KLHL4: variants seen among roughly 807,000 people sequenced by gnomAD.
The protein encoded by KLHL4 is kelch-like protein 4.
Under a neutral mutation model 45.8 loss-of-function variants are expected in KLHL4, and 17 were observed. The observed-to-expected ratio is 0.37, with a 90% CI of 0.25 to 0.56. KLHL4 has a LOEUF of 0.56. Ranked by LOEUF, KLHL4 falls within the 20% of genes least tolerant of loss-of-function variation. KLHL4 has a pLI of 0.79. For missense variants in KLHL4, 544 were observed against 544.9 expected (o/e 1.00, Z 0.02); for synonymous variants, 224 against 189.9 (o/e 1.18, Z -1.47).
chrX:87,535,478 A>G (rs1163822960), intron 1 of KLHL4, among the ~76,000 whole-genome samples: 1 of 112,148 alleles, frequency 8.9e-6, no homozygotes, highest in Non-Finnish European at 1.9e-5. Context: ...AAACCTTAGT[A>G]TCCTAAAAAT....
chrX:87,605,151 T>C lies in KLHL4; in HGVS notation c.423-8726T>C, dbSNP rs370584284. Among the ~76,000 whole-genome samples the C allele has an allele frequency of 6.3e-5, 7 of 111,896 alleles. No homozygotes were observed. In the East Asian group the frequency reaches 8.4e-4, roughly 13 times the overall value. On this transcript the variant is annotated intron_variant, in intron 1 of 10. Coordinates refer to ENST00000373119, the MANE Select transcript of KLHL4 (RefSeq NM_019117.5). ...CTGTTTTAATACCAATATCATACTTTGTTGATTACTATAGTCTTGTAATAT... is the reference window on the plus strand; with the variant it reads ...CTGTTTTAATACCAATATCATACTTCGTTGATTACTATAGTCTTGTAATAT...
At chrX:87,563,341 C>T (rs1056614103) in intron 1 of KLHL4, among the ~76,000 whole-genome samples, 1 of 109,530 alleles carries the variant, frequency 9.1e-6, no homozygotes, top group African/African-American at 3.3e-5. Context: ...GATGTGTGAC[C>T]TTTCGGAGAG....
Position 87,635,665 on chromosome X carries a change from A to G in KLHL4, c.1815A>G (p.Lys605=). ...GGAGTTTGTGTGCTCCAATGTCCAA[A>G]AGACGTGGAGGTGTGGGAGTTGCCA... ...NKWSLCAPMS[K]RRGGVGVATY... is the part of the protein sequence containing the mutation. The change falls in exon 9 of 11, where the codon AAA becomes AAG. Residue 605 remains lysine, a synonymous_variant. Transcript: ENST00000373119. 1.7e-6 allele frequency: 2 copies of G among 1,209,952 alleles called. No homozygotes were observed. Among genetic ancestry groups the G allele is most frequent in the Non-Finnish European group, 2.2e-6 (2 of 893,672 alleles).
At chrX:87,603,623 C>T (rs1051424337) in intron 1 of KLHL4, among the ~76,000 whole-genome samples, 2 of 110,613 alleles carry the variant, frequency 1.8e-5, no homozygotes, top group Non-Finnish European at 3.8e-5. Context: ...TGTTTAAATA[C>T]ATATATGTTA....
intron 6 of KLHL4, among the ~76,000 whole-genome samples, chrX:87,629,194 G>A (rs1368651747): frequency 1.8e-5 from 2 of 111,452 alleles, no homozygotes; most frequent in Non-Finnish European, 3.8e-5. Context: ...CGAAGATTGG[G>A]TAAGAGCTTA....
chrX:87,605,924 T>A (rs781534317), intron 1 of KLHL4, among the ~76,000 whole-genome samples: 1 of 110,410 alleles, frequency 9.1e-6, no homozygotes, highest in African/African-American at 3.3e-5. Context: ...TTGTTGAGAG[T>A]TTTTTTTTAA....
intron 3 of KLHL4, among the ~76,000 whole-genome samples, chrX:87,616,813 C>A (rs776789309): frequency 1.8e-5 from 2 of 111,456 alleles, no homozygotes; most frequent in Non-Finnish European, 3.8e-5. Context: ...GCTCTCCCTT[C>A]AAAATCAAAA....
chrX:87,591,318 C>T (rs748629611), intron 1 of KLHL4, among the ~76,000 whole-genome samples: 37 of 111,583 alleles, frequency 3.3e-4, no homozygotes, highest in Non-Finnish European at 6.4e-4. Flanking sequence ...GATTATTAGC[C>T]AATTTTTAAA....
intron 1 of KLHL4, among the ~76,000 whole-genome samples, chrX:87,598,762 G>T (rs916428743): frequency 6.3e-5 from 7 of 110,956 alleles, no homozygotes; most frequent in Non-Finnish European, 1.3e-4. Context: ...AATTTTCCCT[G>T]TTATAAGGAT....
chrX:87,543,567 G>A (rs1403569837), intron 1 of KLHL4, among the ~76,000 whole-genome samples: 3 of 110,824 alleles, frequency 2.7e-5, no homozygotes, highest in South Asian at 3.9e-4. Flanking sequence ...GGAGAACACG[G>A]CAATTATAAG....
At chrX:87,607,829 A>G (rs980367275) in intron 1 of KLHL4, among the ~76,000 whole-genome samples, 2 of 111,504 alleles carry the variant, frequency 1.8e-5, no homozygotes, top group Non-Finnish European at 3.8e-5. Flanking sequence ...CCCTTTCCTA[A>G]TAACATGCAT....
At chrX:87,589,768 G>A (rs941025868) in intron 1 of KLHL4, among the ~76,000 whole-genome samples, 5 of 111,012 alleles carry the variant, frequency 4.5e-5, no homozygotes, top group Non-Finnish European at 9.4e-5. Context: ...GGTGGCTCAC[G>A]CCTGTAATCC....
chrX:87,625,861 GGGTGATATTAAA>G, intron 6 of KLHL4, 65 bp downstream of exon 6: 1 of 891,710 alleles, frequency 1.1e-6, no homozygotes, highest in East Asian at 3.3e-5. Flanking sequence ...CAAATTATAA[GGGTGATATTAAA>G]GCCATGTTAA....
chrX:87,556,845 T>A (rs896247041), intron 1 of KLHL4, among the ~76,000 whole-genome samples: 1 of 111,234 alleles, frequency 9.0e-6, no homozygotes, highest in African/African-American at 3.3e-5. Context: ...GCAACTGTAT[T>A]TGATCATGCA....
intron 1 of KLHL4, among the ~76,000 whole-genome samples, chrX:87,594,058 G>T (rs1245301101): frequency 9.0e-5 from 10 of 111,005 alleles, no homozygotes; most frequent in Non-Finnish European, 1.7e-4. Flanking sequence ...AAGAATAGTA[G>T]AGTATTGAAG....
Position 87,635,751 on chromosome X carries a change from C to T in KLHL4, c.1901C>T (p.Ser634Phe). Residue 634 changes from serine (S) to phenylalanine (F), a missense_variant, in exon 9 of 11, where the codon TCC (serine) becomes TTC (phenylalanine). By Grantham distance (155) the Ser-to-Phe change is radical. Coordinates refer to ENST00000373119, the MANE Select transcript of KLHL4 (RefSeq NM_019117.5). Reference sequence around the variant, plus strand: ...GATGCCCCTGCTTCCAACCATTGCTCCAGGCTTTCTGACTGTGTGGAACGG... The same window carrying T: ...GATGCCCCTGCTTCCAACCATTGCTTCAGGCTTTCTGACTGTGTGGAACGG... ...GHDAPASNHC[S>F]RLSDCVERYD... 8.4e-7 allele frequency: 1 copy of T among 1,195,267 alleles called. No homozygotes were observed. Among genetic ancestry groups the T allele is most frequent in the South Asian group, 1.8e-5 (1 of 54,309 alleles).
intron 1 of KLHL4, among the ~76,000 whole-genome samples, chrX:87,575,310 T>C (rs1359155878): frequency 9.0e-6 from 1 of 110,997 alleles, no homozygotes; most frequent in Non-Finnish European, 1.9e-5. Context: ...AGGAACCCTA[T>C]TGTGAATTGT....
In KLHL4 at chrX:87,623,288, CTTTTTTTTTTTT is replaced by C. The variant is rs67869297; in HGVS notation, c.1137+878_1137+889del. On this transcript the variant is annotated intron_variant, in intron 5 of 10. Coordinates refer to ENST00000373119, the MANE Select transcript of KLHL4 (RefSeq NM_019117.5). Reference sequence around the variant, plus strand: ...ATCTGTTGATGATTTTTCCTTTTTTCTTTTTTTTTTTTTTTTTTTTTTTTGAGAAGGAGTCTT... The same window carrying C: ...ATCTGTTGATGATTTTTCCTTTTTTCTTTTTTTTTTTTGAGAAGGAGTCTT... Among the ~76,000 whole-genome samples the C allele has an allele frequency of 7.1e-3, 356 of 50,222 alleles. 3 individuals are homozygous for C. Among genetic ancestry groups the C allele is most frequent in the African/African-American group, 0.028 (326 of 11,672 alleles). The allele number at this position is 50,222 out of a possible 115,157, so 43.6% of individuals were successfully genotyped here. A position where few individuals can be genotyped will look rare whatever the true frequency, so the allele number is the denominator to read the frequency against.
intron 1 of KLHL4, among the ~76,000 whole-genome samples, chrX:87,533,798 T>C (rs1931366876): frequency 1.8e-5 from 2 of 111,523 alleles, no homozygotes; most frequent in African/African-American, 6.5e-5. Flanking sequence ...AGTAATGAAC[T>C]TGCTTATTTT....
Sources: allele counts gnomAD v4.1 joint callset (sites outside exome capture counted in the v4.1 genomes callset), GRCh38; gene constraint gnomAD v4.1.1; transcripts MANE v1.5; gene names NCBI Gene and HGNC (gene_info 2026-07-23, HGNC 2026-07-21).